The following EIF2B3 variants were observed in gnomAD, a reference collection of about 807,000 sequenced individuals.
EIF2B3 encodes translation initiation factor eIF2B subunit gamma.
Under a neutral mutation model 54.1 loss-of-function variants are expected in EIF2B3, and 20 were observed. The observed-to-expected ratio is 0.37, with a 90% CI of 0.26 to 0.54. The LOEUF (loss-of-function observed/expected upper bound fraction) is 0.54, where lower values mean the gene tolerates loss of function less well. Ranked by LOEUF, EIF2B3 falls within the 20% of genes least tolerant of loss-of-function variation. The pLI is 0.86. For synonymous variants in EIF2B3, 153 were observed against 188.1 expected (o/e 0.81, Z 1.52); for missense variants, 448 against 547.8 (o/e 0.82, Z 1.82).
intron 5 of EIF2B3, among the ~76,000 whole-genome samples, chr1:44,906,888 C>G (rs1471175773): frequency 6.6e-6 from 1 of 152,166 alleles, no homozygotes; most frequent in African/African-American, 2.4e-5. Flanking sequence ...ATATGACTTA[C>G]TCCTGTTTAC....
chr1:44,958,803 G>C (rs1312326681), intron 3 of EIF2B3: 2 of 1,279,198 alleles, frequency 1.6e-6, no homozygotes, highest in Non-Finnish European at 2.3e-6. Flanking sequence ...ACTGCGACAA[G>C]AGATCGTGTT....
chr1:44,966,055 C>A (rs1398997647), intron 3 of EIF2B3, among the ~76,000 whole-genome samples: 1 of 152,154 alleles, frequency 6.6e-6, no homozygotes, highest in African/African-American at 2.4e-5. Flanking sequence ...ACTCTGAAGA[C>A]TCAGTCCCCT....
chr1:44,958,679 T>C (rs1644252658), intron 3 of EIF2B3: 6 of 1,597,840 alleles, frequency 3.8e-6, no homozygotes, highest in Non-Finnish European at 4.3e-6. Flanking sequence ...GTGGTGAGTT[T>C]AGTCGCTCAC....
chr1:44,946,040 C>T (rs1644098166), intron 3 of EIF2B3, among the ~76,000 whole-genome samples: 1 of 152,164 alleles, frequency 6.6e-6, no homozygotes, highest in African/African-American at 2.4e-5. Context: ...ACAGTGAATG[C>T]CAAACAAGTC....
chr1:44,912,277 G>A (rs1051228981), intron 5 of EIF2B3, among the ~76,000 whole-genome samples: 1 of 152,182 alleles, frequency 6.6e-6, no homozygotes, highest in Admixed American at 6.5e-5. Context: ...ATCACAATTA[G>A]TTTTCCTTTC....
At chr1:44,952,392 G>T (rs2148949184) in intron 3 of EIF2B3, among the ~76,000 whole-genome samples, 1 of 152,158 alleles carries the variant, frequency 6.6e-6, no homozygotes, top group East Asian at 1.9e-4. Flanking sequence ...AAGCCACTGA[G>T]CCTGGCCCTA....
chr1:44,962,321 T>A (rs1449087308), intron 3 of EIF2B3, among the ~76,000 whole-genome samples: 1 of 152,132 alleles, frequency 6.6e-6, no homozygotes, highest in East Asian at 1.9e-4. Flanking sequence ...AACTCACAGA[T>A]GCAAATAAAG....
chr1:44,949,568 A>G (rs1028653113), intron 3 of EIF2B3, among the ~76,000 whole-genome samples: 3 of 152,204 alleles, frequency 2.0e-5, no homozygotes, highest in African/African-American at 7.2e-5. Flanking sequence ...GACAGAGGTG[A>G]ATGCTCCCTT....
intron 8 of EIF2B3, among the ~76,000 whole-genome samples, chr1:44,877,755 C>T (rs1390936139): frequency 2.6e-5 from 4 of 152,162 alleles, no homozygotes; most frequent in Admixed American, 6.5e-5. Flanking sequence ...ACAGGTAGTG[C>T]GCCTGTCTAT....
intron 5 of EIF2B3, among the ~76,000 whole-genome samples, chr1:44,922,959 C>T (rs1337907125): frequency 1.4e-5 from 2 of 147,082 alleles, no homozygotes; most frequent in African/African-American, 2.5e-5. Context: ...ACTTCTCATG[C>T]GTTAGCCTCC....
chr1:44,872,544 A>C (rs1276392264), intron 10 of EIF2B3, among the ~76,000 whole-genome samples: 1 of 152,024 alleles, frequency 6.6e-6, no homozygotes, highest in Admixed American at 6.6e-5. Context: ...TAGCTACCTG[A>C]GAAGCTGAGG....
chr1:44,934,964 A>T (rs1427729231), intron 4 of EIF2B3, among the ~76,000 whole-genome samples: 1 of 152,234 alleles, frequency 6.6e-6, no homozygotes, highest in East Asian at 1.9e-4. Context: ...GCCTGCCAAC[A>T]TCTGTTAGTG....
intron 10 of EIF2B3, among the ~76,000 whole-genome samples, chr1:44,867,373 G>A (rs1654814489): frequency 6.6e-6 from 1 of 152,066 alleles, no homozygotes; most frequent in Admixed American, 6.6e-5. Flanking sequence ...ATGGGCAGGA[G>A]CTTTCTCTGA....
chr1:44,969,904 T>C (rs1459988850), intron 3 of EIF2B3: 1 of 152,186 alleles, frequency 6.6e-6, no homozygotes, highest in African/African-American at 2.4e-5. Flanking sequence ...ATATGAAACA[T>C]TATTATGGAG....
At chr1:44,955,560 T>C (rs954248643) in intron 3 of EIF2B3, among the ~76,000 whole-genome samples, 3 of 151,978 alleles carry the variant, frequency 2.0e-5, no homozygotes, top group African/African-American at 4.8e-5. Context: ...AAAGAAACTA[T>C]CATCAGAGTG....
At chr1:44,976,637 T>C (rs1467993822) in intron 3 of EIF2B3, among the ~76,000 whole-genome samples, 1 of 152,056 alleles carries the variant, frequency 6.6e-6, no homozygotes, top group Admixed American at 6.6e-5. Flanking sequence ...AGCCAAAAAT[T>C]AGAAACAACC....
intron 5 of EIF2B3, among the ~76,000 whole-genome samples, chr1:44,917,284 A>T (rs1351313046): frequency 6.6e-6 from 1 of 152,166 alleles, no homozygotes; most frequent in African/African-American, 2.4e-5. Flanking sequence ...ACCTGAGGTC[A>T]GGAGTTTGAG....
chr1:44,871,874 CTTTT>C (rs71040515), intron 10 of EIF2B3, among the ~76,000 whole-genome samples: 3 of 118,900 alleles, frequency 2.5e-5, no homozygotes, highest in Admixed American at 9.4e-5. Flanking sequence ...ACTTCACAAT[CTTTT>C]TTTTTTTTTT....
At chr1:44,945,254 TAA>T (rs111913754) in intron 3 of EIF2B3, among the ~76,000 whole-genome samples, 30 of 143,822 alleles carry the variant, frequency 2.1e-4, no homozygotes, top group East Asian at 6.0e-4. Flanking sequence ...ACTCTGAGAC[TAA>T]AAAAAAAAAA....
Sources: allele counts gnomAD v4.1 joint callset (sites outside exome capture counted in the v4.1 genomes callset), GRCh38; gene constraint gnomAD v4.1.1; transcripts MANE v1.5; gene names NCBI Gene and HGNC (gene_info 2026-07-23, HGNC 2026-07-21).